LRRC7: variants seen among roughly 807,000 people sequenced by gnomAD.
The protein encoded by LRRC7 is leucine rich repeat containing 7.
A neutral mutation model predicts 175.7 loss-of-function variants in LRRC7; 23 were observed. The observed-to-expected ratio is 0.13, with a 90% CI of 0.09 to 0.19. The LOEUF is 0.19. LRRC7 is among the 10% of genes least tolerant of loss of function. The pLI, the probability that LRRC7 is intolerant of heterozygous loss-of-function variation, is 1.00. For synonymous variants in LRRC7, 685 were observed against 680.9 expected, an observed-to-expected ratio of 1.01 and a Z score of -0.09; for missense variants, 1,354 against 1,904.7, an observed-to-expected ratio of 0.71 and a Z score of 5.38.
chr1:69,728,543 C>T (rs925675669), intron 2 of LRRC7, among the ~76,000 whole-genome samples: 2 of 151,552 alleles, frequency 1.3e-5, no homozygotes, highest in African/African-American at 4.8e-5. Context: ...AAATATCTGC[C>T]ATTGTGGAGA....
At chr1:69,990,584 G>C (rs2101904719) in intron 10 of LRRC7, among the ~76,000 whole-genome samples, 1 of 152,092 alleles carries the variant, frequency 6.6e-6, no homozygotes, top group African/African-American at 2.4e-5. Flanking sequence ...GCAGAGGCTA[G>C]AAATACTGCA....
At chr1:69,628,698 T>G (rs905210504) in intron 1 of LRRC7, among the ~76,000 whole-genome samples, 1 of 152,156 alleles carries the variant, frequency 6.6e-6, no homozygotes, top group African/African-American at 2.4e-5. Context: ...CAAGTCCAGA[T>G]GATGAAAGTA....
At chr1:70,018,946 C>A (rs1657198871) in intron 15 of LRRC7, 128 bp downstream of exon 15, 2 of 593,178 alleles carry the variant, frequency 3.4e-6, no homozygotes, top group African/African-American at 3.7e-5. Flanking sequence ...ACATGACACA[C>A]AAATATCATT....
chr1:70,051,352 A>C (rs563332253), intron 22 of LRRC7, among the ~76,000 whole-genome samples: 1 of 152,170 alleles, frequency 6.6e-6, no homozygotes, highest in African/African-American at 2.4e-5. Flanking sequence ...AATACTAAAA[A>C]TTCAAAAAGA....
intron 1 of LRRC7, among the ~76,000 whole-genome samples, chr1:69,610,406 T>C (rs922271508): frequency 2.6e-5 from 4 of 152,044 alleles, no homozygotes; most frequent in Non-Finnish European, 5.9e-5. Context: ...TGAGACAAGA[T>C]TGGTCATTGG....
intron 16 of LRRC7, among the ~76,000 whole-genome samples, chr1:70,021,717 T>G (rs1657522493): frequency 6.6e-6 from 1 of 152,166 alleles, no homozygotes; most frequent in Non-Finnish European, 1.5e-5. Context: ...CAAAGTATGT[T>G]TTAAAAGATC....
intron 23 of LRRC7, among the ~76,000 whole-genome samples, chr1:70,062,051 G>T (rs1488495064): frequency 2.6e-5 from 4 of 152,106 alleles, no homozygotes; most frequent in Non-Finnish European, 5.9e-5. Flanking sequence ...GTCATTTACT[G>T]ACAACATTGT....
chr1:69,718,067 G>A (rs1452698439), intron 2 of LRRC7, among the ~76,000 whole-genome samples: 1 of 119,716 alleles, frequency 8.4e-6, no homozygotes, highest in Non-Finnish European at 1.8e-5. Context: ...GAAGAAATAA[G>A]AGAAAGAGAA....
intron 7 of LRRC7, chr1:69,920,148 C>T (rs1646842489): frequency 5.2e-6 from 1 of 193,254 alleles, no homozygotes; most frequent in Non-Finnish European, 1.1e-5. Flanking sequence ...GTCAGCAGAG[C>T]CGCCCCATGT....
At chr1:69,666,935 G>A (rs1267678964) in intron 1 of LRRC7, among the ~76,000 whole-genome samples, 2 of 151,892 alleles carry the variant, frequency 1.3e-5, no homozygotes, top group East Asian at 1.9e-4. Flanking sequence ...TGTGATGTAG[G>A]CACTAATAGC....
At chr1:69,945,196 A>G (rs897976257) in intron 8 of LRRC7, among the ~76,000 whole-genome samples, 1 of 152,126 alleles carries the variant, frequency 6.6e-6, no homozygotes, top group African/African-American at 2.4e-5. Context: ...ATGGGGTGGA[A>G]TAATGGTCCA....
intron 26 of LRRC7, among the ~76,000 whole-genome samples, chr1:70,118,082 C>T (rs1055628854): frequency 1.3e-5 from 2 of 151,840 alleles, no homozygotes; most frequent in Non-Finnish European, 2.9e-5. Context: ...CACACACACA[C>T]ACACACACAC....
At chr1:70,106,805 C>T (rs940547768) in intron 25 of LRRC7, among the ~76,000 whole-genome samples, 2 of 152,180 alleles carry the variant, frequency 1.3e-5, no homozygotes, top group African/African-American at 4.8e-5. Context: ...TCTGCAATTT[C>T]CTTCTTCCCC....
At chr1:69,961,615 T>C (rs1014337660) in intron 8 of LRRC7, among the ~76,000 whole-genome samples, 2 of 152,170 alleles carry the variant, frequency 1.3e-5, no homozygotes, top group Non-Finnish European at 2.9e-5. Flanking sequence ...CAAAACAGCA[T>C]GGTACTAGTA....
At chr1:69,771,257 G>A (rs1672211415) in intron 3 of LRRC7, among the ~76,000 whole-genome samples, 1 of 152,152 alleles carries the variant, frequency 6.6e-6, no homozygotes, top group African/African-American at 2.4e-5. Context: ...GGAAGAGTGA[G>A]ATGAAGGACA....
chr1:70,043,245 A>C (rs1660066257), intron 21 of LRRC7, among the ~76,000 whole-genome samples: 1 of 152,160 alleles, frequency 6.6e-6, no homozygotes, highest in Non-Finnish European at 1.5e-5. Context: ...TTAATAAATC[A>C]ATAAATTATA....
In LRRC7 at chr1:69,704,258, A is replaced by G. The variant is rs181053899; in HGVS notation, c.100+25780A>G. Among the ~76,000 whole-genome samples, 136 of 152,056 alleles carry G rather than the reference A, an allele frequency of 8.9e-4. 1 individual carries two copies. The highest frequency in any genetic ancestry group is 1.7e-3 in the Admixed American group (26 of 15,260). ...GTCTCTTCAATTTTTTGAAGGAGAT[A>G]AAGGGAAATACAATTATAACAAAAT... On this transcript the variant is annotated intron_variant, in intron 2 of 26. Transcript: ENST00000651989.
In LRRC7 at chr1:69,912,145, A is replaced by T. The variant is rs149268322; in HGVS notation, c.648-19362A>T. Among the ~76,000 whole-genome samples, 498 of 152,276 alleles carry T rather than the reference A, an allele frequency of 3.3e-3. 2 individuals are homozygous for T. The highest frequency in any genetic ancestry group is 0.011 in the African/African-American group (446 of 41,538). On this transcript the variant is annotated intron_variant, in intron 7 of 26. Transcript: ENST00000651989. ...TGAAGGTCATGGAACCAATTCCCCCAAGGATACTGAGCAACGATTGTACAT... is the reference window on the plus strand; with the variant it reads ...TGAAGGTCATGGAACCAATTCCCCCTAGGATACTGAGCAACGATTGTACAT...
At chr1:69,698,627 T>G (rs1446918214) in intron 2 of LRRC7, among the ~76,000 whole-genome samples, 1 of 152,244 alleles carries the variant, frequency 6.6e-6, no homozygotes, top group African/African-American at 2.4e-5. Context: ...TCTCCTTCTA[T>G]TCTAGACATC....
Sources: gnomAD v4.1 joint callset for allele counts (sites outside exome capture counted in the v4.1 genomes callset) on GRCh38, gnomAD v4.1.1 for gene constraint, MANE v1.5 for transcripts, NCBI Gene and HGNC (gene_info 2026-07-23, HGNC 2026-07-21) for gene names.